Variants in DPP10 observed in about 807,000 individuals in gnomAD.
The protein encoded by DPP10 is inactive dipeptidyl peptidase 10.
A neutral mutation model predicts 120.9 loss-of-function variants in DPP10; 33 were observed. That is an observed-to-expected ratio of 0.27 (90% CI 0.21 to 0.37). The LOEUF (loss-of-function observed/expected upper bound fraction) is 0.37, where lower values mean the gene tolerates loss of function less well. Ranked by LOEUF, DPP10 falls within the 10% of genes least tolerant of loss-of-function variation. The probability of loss-of-function intolerance (pLI) is 1.00; values close to 1 mark genes in which losing one functional copy is unlikely to be tolerated. For missense variants in DPP10, 816 were observed against 942.8 expected (o/e 0.87, Z 1.76); for synonymous variants, 337 against 326.1 (o/e 1.03, Z -0.36).
intron 1 of DPP10, among the ~76,000 whole-genome samples, chr2:114,553,914 C>A (rs72840639): frequency 6.6e-6 from 1 of 152,222 alleles, no homozygotes; most frequent in Non-Finnish European, 1.5e-5. Flanking sequence ...ATAGATCACA[C>A]AAGATTCCAT....
chr2:114,993,754 C>T (rs1248303772), intron 1 of DPP10, among the ~76,000 whole-genome samples: 1 of 151,798 alleles, frequency 6.6e-6, no homozygotes, highest in East Asian at 1.9e-4. Flanking sequence ...CGACTATGTG[C>T]CCATGTGCAT....
intron 1 of DPP10, among the ~76,000 whole-genome samples, chr2:115,278,604 G>A (rs949774437): frequency 1.5e-4 from 23 of 152,084 alleles, no homozygotes; most frequent in African/African-American, 5.6e-4. Flanking sequence ...GGAAGGCAAA[G>A]GGGAGCTGAC....
intron 1 of DPP10, among the ~76,000 whole-genome samples, chr2:115,045,202 A>C (rs1189218908): frequency 6.6e-6 from 1 of 152,168 alleles, no homozygotes; most frequent in African/African-American, 2.4e-5. Flanking sequence ...TAGGATAAAA[A>C]GATTTTTGTT....
intron 7 of DPP10, 30 bp downstream of exon 7, chr2:115,689,951 A>C (rs1575533203): frequency 6.3e-7 from 1 of 1,581,988 alleles, no homozygotes; most frequent in Non-Finnish European, 8.6e-7. Flanking sequence ...TGCACTGAAC[A>C]CTGCCAATCA....
intron 5 of DPP10, among the ~76,000 whole-genome samples, chr2:115,581,719 G>T (rs373661327): frequency 6.6e-6 from 1 of 151,932 alleles, no homozygotes; most frequent in Non-Finnish European, 1.5e-5. Context: ...GGTCATTTGG[G>T]GACAGACATT....
At chr2:114,945,584 G>T (rs1315341197) in intron 1 of DPP10, among the ~76,000 whole-genome samples, 1 of 152,170 alleles carries the variant, frequency 6.6e-6, no homozygotes, top group Non-Finnish European at 1.5e-5. Context: ...GGAGGCCGAG[G>T]CGGGTGGATC....
chr2:115,341,605 T>A (rs1415795292), intron 2 of DPP10, among the ~76,000 whole-genome samples: 1 of 152,214 alleles, frequency 6.6e-6, no homozygotes, highest in African/African-American at 2.4e-5. Flanking sequence ...GTTCACCTGC[T>A]CATTCCTTCC....
chr2:114,984,032 T>A (rs1374895856), intron 1 of DPP10, among the ~76,000 whole-genome samples: 1 of 152,188 alleles, frequency 6.6e-6, no homozygotes, highest in East Asian at 1.9e-4. Context: ...AAGTGACATA[T>A]AAGGCTGCAG....
intron 1 of DPP10, among the ~76,000 whole-genome samples, chr2:114,638,931 T>A (rs1284109895): frequency 6.6e-6 from 1 of 151,790 alleles, no homozygotes; most frequent in Non-Finnish European, 1.5e-5. Flanking sequence ...GGTAAATATA[T>A]TACCATGGAA....
intron 1 of DPP10, among the ~76,000 whole-genome samples, chr2:114,820,051 A>G (rs1224069696): frequency 6.6e-6 from 1 of 152,166 alleles, no homozygotes; most frequent in Non-Finnish European, 1.5e-5. Context: ...GGCTGTTCTG[A>G]GCCTGTTCTT....
chr2:115,748,369 C>T (rs969043664), intron 10 of DPP10, among the ~76,000 whole-genome samples: 1 of 151,282 alleles, frequency 6.6e-6, no homozygotes, highest in Admixed American at 6.6e-5. Flanking sequence ...TTTTTTAGTA[C>T]TTTTTTCCAC....
chr2:115,443,074 T>TA (rs754136732), intron 3 of DPP10, among the ~76,000 whole-genome samples: 5 of 152,210 alleles, frequency 3.3e-5, no homozygotes, highest in Admixed American at 6.5e-5. Context: ...AAAAGGCTTT[T>TA]AAAAAATTTA....
chr2:115,347,645 C>T (rs779356915), intron 3 of DPP10, among the ~76,000 whole-genome samples: 2 of 152,032 alleles, frequency 1.3e-5, no homozygotes, highest in Non-Finnish European at 2.9e-5. Context: ...CCCCTACCCC[C>T]TGACAGGCCC....
At chr2:114,829,414 G>A (rs1365660050) in intron 1 of DPP10, among the ~76,000 whole-genome samples, 4 of 143,178 alleles carry the variant, frequency 2.8e-5, no homozygotes, top group African/African-American at 5.1e-5. Flanking sequence ...ACAGAGTGTC[G>A]CTCTTGTCAC....
At position 114,931,263 on chromosome 2, in the gene DPP10, T is replaced by G. The variant is rs13415028; in HGVS notation, c.61-377976T>G. Among the ~76,000 whole-genome samples, 486 of 152,048 alleles carry G rather than the reference T, an allele frequency of 3.2e-3. 1 individual carries two copies. The highest frequency in any genetic ancestry group is 0.011 in the African/African-American group (475 of 41,472). On this transcript the variant is annotated intron_variant, in intron 1 of 25. Transcript: ENST00000410059. The stretch of plus-strand genomic sequence containing the variant: ...GCTGGGAAATTTATAAGGAAAGGGG[T>G]TTTGTATGGTACATTGTTCCACTGA...
At chr2:114,600,249 A>T (rs548495674) in intron 1 of DPP10, among the ~76,000 whole-genome samples, 2 of 151,734 alleles carry the variant, frequency 1.3e-5, no homozygotes, top group South Asian at 4.1e-4. Context: ...CTGATTTTAT[A>T]ATTTTTATTT....
intron 3 of DPP10, among the ~76,000 whole-genome samples, chr2:115,492,209 G>A (rs914058275): frequency 3.3e-5 from 5 of 152,142 alleles, no homozygotes; most frequent in African/African-American, 9.7e-5. Flanking sequence ...CTGAATGGTG[G>A]CTCACCAAAA....
At chr2:114,680,873 G>A (rs1469763859) in intron 1 of DPP10, among the ~76,000 whole-genome samples, 1 of 151,864 alleles carries the variant, frequency 6.6e-6, no homozygotes, top group East Asian at 1.9e-4. Flanking sequence ...ATAATCAAAG[G>A]CACTTATTTA....
intron 5 of DPP10, among the ~76,000 whole-genome samples, chr2:115,592,007 G>A (rs894071411): frequency 3.3e-5 from 5 of 152,030 alleles, no homozygotes; most frequent in Non-Finnish European, 5.9e-5. Context: ...CAAGGTGAGC[G>A]CCCTGAACAA....
Sources: gnomAD v4.1 joint callset for allele counts (sites outside exome capture counted in the v4.1 genomes callset) on GRCh38, gnomAD v4.1.1 for gene constraint, MANE v1.5 for transcripts, NCBI Gene and HGNC (gene_info 2026-07-23, HGNC 2026-07-21) for gene names.